RMDN3: variants seen among roughly 807,000 people sequenced by gnomAD.
RMDN3 encodes regulator of microtubule dynamics 3.
Under a neutral mutation model 61.8 loss-of-function variants are expected in RMDN3, and 41 were observed. The ratio of observed to expected loss-of-function variants is 0.66; its 90% CI spans 0.52 to 0.86. The LOEUF (loss-of-function observed/expected upper bound fraction) is 0.86. Among genes scored for constraint, RMDN3 ranks in the 40% least tolerant of loss-of-function variants. The pLI, the probability that RMDN3 is intolerant of heterozygous loss-of-function variation, is 0.00. For missense variants in RMDN3, 557 were observed against 585.3 expected, an observed-to-expected ratio of 0.95 and a Z score of 0.50; for synonymous variants, 247 against 232.0, an observed-to-expected ratio of 1.06 and a Z score of -0.59.
Position 40,738,550 on chromosome 15 carries a change from G to A in RMDN3, c.998C>T (p.Ala333Val). Residue 333 changes from alanine to valine, a missense_variant, in exon 8 of 13, where the codon GCT becomes GTT. By Grantham distance (64) the Ala-to-Val change is moderately conservative. Coordinates refer to ENST00000338376, the MANE Select transcript of RMDN3 (RefSeq NM_018145.3). ...GCGCCTCTGGATGCTCTCATGCTCA[G>A]CCAGCTGACCACAAAGCACCGCATA... ...LWYAVLCGQL[A>V]EHESIQRRIQ... is the part of the protein sequence containing the mutation. The A allele has an allele frequency of 6.2e-7, 1 of 1,614,090 alleles. No individual in the cohort carries two copies. The highest frequency in any genetic ancestry group is 8.5e-7 in the Non-Finnish European group (1 of 1,180,016).
intron 6 of RMDN3, among the ~76,000 whole-genome samples, chr15:40,743,406 G>C (rs1047807507): frequency 7.7e-6 from 1 of 129,034 alleles, no homozygotes; most frequent in Admixed American, 8.3e-5. Context: ...GGGCAACAGA[G>C]AAAGACTGTT....
intron 4 of RMDN3, among the ~76,000 whole-genome samples, chr15:40,750,209 CGT>C (rs1491342999): frequency 2.4e-5 from 3 of 123,326 alleles, no homozygotes; most frequent in East Asian, 5.3e-4. Context: ...ATGCCCAGCT[CGT>C]TTTTTTTTTT....
chr15:40,741,284 T>C (rs1289215360), intron 6 of RMDN3, among the ~76,000 whole-genome samples: 7 of 151,968 alleles, frequency 4.6e-5, no homozygotes, highest in Non-Finnish European at 1.0e-4. Context: ...AAGGAGAGGA[T>C]AGCTTGGGAC....
intron 6 of RMDN3, among the ~76,000 whole-genome samples, chr15:40,741,619 G>GTTTTTTTTTTTTTTT (rs1333820266): frequency 1.6e-5 from 1 of 60,990 alleles, no homozygotes; most frequent in African/African-American, 5.4e-5. Flanking sequence ...TGCAACATAG[G>GTTTTTTTTTTTTTTT]ATTTTTTTTT....
In RMDN3 at chr15:40,744,081, C is replaced by G. The variant is rs1465565224; in HGVS notation, c.876G>C (p.Glu292Asp). ...RAYSDMCELT[E>D]EVSEKKSYAL... Reference sequence around the variant, plus strand: ...CATATGACTTCTTCTCGCTCACCTCCTCAGTGAGCTCACACATGTCACTGT... The same window carrying G: ...CATATGACTTCTTCTCGCTCACCTCGTCAGTGAGCTCACACATGTCACTGT... The change falls in exon 6 of 13, where the codon GAG (glutamate) becomes GAC (aspartate). Residue 292 changes from glutamate to aspartate, a missense_variant. By Grantham distance (45) the Glu-to-Asp change is conservative. Coordinates refer to ENST00000338376, the MANE Select transcript of RMDN3 (RefSeq NM_018145.3). The G allele has an allele frequency of 1.9e-6, 3 of 1,613,686 alleles. No homozygotes were observed. The South Asian group carries it at 3.3e-5, about 18-fold the overall frequency.
At chr15:40,751,773 G>A (rs954729709) in intron 3 of RMDN3, 15 of 838,072 alleles carry the variant, frequency 1.8e-5, no homozygotes, top group Admixed American at 7.0e-5. Flanking sequence ...CAAACAGAGC[G>A]CTTCAGCTGC....
intron 6 of RMDN3, among the ~76,000 whole-genome samples, chr15:40,743,726 C>CA: frequency 6.6e-6 from 1 of 152,258 alleles, no homozygotes; most frequent in African/African-American, 2.4e-5. Flanking sequence ...TAAGCAGCAG[C>CA]AAAAAACCTC....
At position 40,737,661 on chromosome 15, in the gene RMDN3, G is replaced by A. The variant is rs771439397; in HGVS notation, c.1191C>T (p.Ala397=). 6.2e-7 allele frequency: 1 copy of A among 1,614,122 alleles called. No individual in the cohort carries two copies. Among genetic ancestry groups the A allele is most frequent in the Non-Finnish European group, 8.5e-7 (1 of 1,180,000 alleles). Residue 397 remains alanine, a synonymous_variant, in exon 10 of 13, where the codon GCC becomes GCT. Coordinates refer to ENST00000338376, the MANE Select transcript of RMDN3 (RefSeq NM_018145.3). ...ATALLESPLS[A]TVEDALQSFL... ...AGCTCTGGAGGGCATCTTCCACAGT[G>A]GCACTGAGAGGGCTTTCAAGCAAGG...
intron 4 of RMDN3, among the ~76,000 whole-genome samples, 153 bp from the exon 5 acceptor site, chr15:40,745,412 C>CTTTT (rs376519039): frequency 3.1e-5 from 4 of 130,316 alleles, no homozygotes; most frequent in Admixed American, 8.1e-5. Flanking sequence ...GACTTTTTTT[C>CTTTT]TTTTTTTTTT....
At chr15:40,740,655 C>CAAACGGCTTCT (rs1483640947) in intron 6 of RMDN3, among the ~76,000 whole-genome samples, 6 of 151,938 alleles carry the variant, frequency 3.9e-5, no homozygotes, top group Non-Finnish European at 5.9e-5. Flanking sequence ...GAAAAGGCTG[C>CAAACGGCTTCT]AAACGGCTTC....
At chr15:40,753,157 A>T (rs577352059) in intron 2 of RMDN3, among the ~76,000 whole-genome samples, 1 of 152,332 alleles carries the variant, frequency 6.6e-6, no homozygotes, top group African/African-American at 2.4e-5. Context: ...AGACTCCAAA[A>T]CTAACTTTTC....
chr15:40,737,005 C>T, intron 12 of RMDN3, 119 bp downstream of exon 12: 1 of 837,740 alleles, frequency 1.2e-6, no homozygotes, highest in South Asian at 1.5e-5. Flanking sequence ...AGGCGTGCGC[C>T]ACTAGGCCCA....
At position 40,736,009 on chromosome 15, in the gene RMDN3, C is replaced by CTGGAAGTTAT. The variant is rs1897024510; in HGVS notation, c.*522_*531dup. ...TGTCATTCCAAAAGCTGCCAGGACA[C>CTGGAAGTTAT]TGGAAGTTATCAAGTGGTCCAGCCC... On this transcript the variant is annotated 3_prime_UTR_variant, in exon 13 of 13. Transcript: ENST00000338376. The CTGGAAGTTAT allele has an allele frequency of 6.6e-6, 1 of 152,206 alleles. No homozygotes were observed. Among genetic ancestry groups the CTGGAAGTTAT allele is most frequent in the Admixed American group, 6.6e-5 (1 of 15,248 alleles). The allele number at this position is 152,206 out of a possible 1,614,324, so 9.4% of individuals were successfully genotyped here.
At chr15:40,751,043 T>C (rs1897798467) in intron 4 of RMDN3, among the ~76,000 whole-genome samples, 1 of 152,184 alleles carries the variant, frequency 6.6e-6, no homozygotes, top group Non-Finnish European at 1.5e-5. Context: ...AAGGCTCCCC[T>C]GTGGGAAGAG....
chr15:40,753,682 T>C (rs938076806), intron 2 of RMDN3, among the ~76,000 whole-genome samples: 2 of 152,238 alleles, frequency 1.3e-5, no homozygotes, highest in African/African-American at 4.8e-5. Flanking sequence ...TCAGCTTCAA[T>C]TGCATTAAGC....
intron 6 of RMDN3, 70 bp downstream of exon 6, chr15:40,743,977 C>G: frequency 7.4e-7 from 1 of 1,360,516 alleles, no homozygotes; most frequent in South Asian, 1.4e-5. Context: ...CCCCGGGTCC[C>G]CAGGCAGATG....
At chr15:40,747,303 T>G (rs1209118162) in intron 4 of RMDN3, among the ~76,000 whole-genome samples, 5 of 152,092 alleles carry the variant, frequency 3.3e-5, no homozygotes, top group African/African-American at 1.2e-4. Flanking sequence ...CTCTGGATCC[T>G]AAAGGCCCAG....
At chr15:40,754,191 C>T (rs1047846947) in intron 2 of RMDN3, among the ~76,000 whole-genome samples, 11 of 144,762 alleles carry the variant, frequency 7.6e-5, no homozygotes, top group African/African-American at 2.9e-4. Context: ...AGTGCAGTGG[C>T]GCAACCTCAG....
chr15:40,742,307 C>T (rs1000269920), intron 6 of RMDN3, among the ~76,000 whole-genome samples: 1 of 152,006 alleles, frequency 6.6e-6, no homozygotes, highest in Admixed American at 6.6e-5. Context: ...CACACCTGGC[C>T]ACAAATGCAT....
Sources: gnomAD v4.1 joint callset for allele counts (sites outside exome capture counted in the v4.1 genomes callset) on GRCh38, gnomAD v4.1.1 for gene constraint, MANE v1.5 for transcripts, NCBI Gene and HGNC (gene_info 2026-07-23, HGNC 2026-07-21) for gene names.